The following XPR1 variants were observed in gnomAD, a reference collection of about 807,000 sequenced individuals.
XPR1 encodes xenotropic and polytropic retrovirus receptor 1.
Under a neutral mutation model 87.5 loss-of-function variants are expected in XPR1, and 28 were observed. That is an observed-to-expected ratio of 0.32 (90% CI 0.24 to 0.44). The LOEUF (loss-of-function observed/expected upper bound fraction) is 0.44. Among genes scored for constraint, XPR1 ranks in the 20% least tolerant of loss-of-function variants. The pLI is 1.00. For synonymous variants in XPR1, 300 were observed against 306.1 expected (o/e 0.98, Z 0.21); for missense variants, 559 against 862.3 (o/e 0.65, Z 4.41).
chr1:180,762,783 A>G (rs911468313), intron 2 of XPR1, among the ~76,000 whole-genome samples: 2 of 152,232 alleles, frequency 1.3e-5, no homozygotes, highest in Admixed American at 6.5e-5. Flanking sequence ...TAGTTCCTAT[A>G]GGAATTAAGG....
intron 1 of XPR1, among the ~76,000 whole-genome samples, chr1:180,640,169 A>G (rs533000086): frequency 6.6e-6 from 1 of 152,338 alleles, no homozygotes; most frequent in South Asian, 2.1e-4. Flanking sequence ...AAGGCTCTAT[A>G]CTTAGTAAGT....
chr1:180,782,666 G>A (rs1648988639), intron 2 of XPR1, among the ~76,000 whole-genome samples: 1 of 151,888 alleles, frequency 6.6e-6, no homozygotes, highest in Non-Finnish European at 1.5e-5. Flanking sequence ...AACCTTAGTT[G>A]CCTCTTTAAA....
At chr1:180,866,096 C>T (rs1652380237) in intron 12 of XPR1, among the ~76,000 whole-genome samples, 1 of 152,000 alleles carries the variant, frequency 6.6e-6, no homozygotes, top group Non-Finnish European at 1.5e-5. Context: ...CCTGTAGCCC[C>T]AGCTACTCGG....
chr1:180,817,374 G>T (rs1354842657), intron 7 of XPR1, among the ~76,000 whole-genome samples: 1 of 152,052 alleles, frequency 6.6e-6, no homozygotes, highest in Non-Finnish European at 1.5e-5. Context: ...TAATGTCCTA[G>T]GTCTTCACAT....
At chr1:180,763,272 G>T (rs1446991653) in intron 2 of XPR1, among the ~76,000 whole-genome samples, 1 of 152,202 alleles carries the variant, frequency 6.6e-6, no homozygotes, top group African/African-American at 2.4e-5. Context: ...AGGATGCTGT[G>T]TATGCTGTTG....
chr1:180,729,211 A>G (rs567270640), intron 2 of XPR1, among the ~76,000 whole-genome samples: 27 of 152,174 alleles, frequency 1.8e-4, no homozygotes, highest in African/African-American at 5.3e-4. Context: ...ATGGTGTTAT[A>G]TGTATCACAT....
intron 2 of XPR1, 97 bp downstream of exon 2, chr1:180,682,508 C>T: frequency 1.3e-6 from 1 of 745,032 alleles, no homozygotes; most frequent in Non-Finnish European, 2.0e-6. Flanking sequence ...GATAACCTGT[C>T]CTATTATATA....
rs548839527 is a variant in XPR1 at position 180,786,103 on chromosome 1, A to G, written c.122-1650A>G. ...CATCCTGTTTTACTCTAGAATCAAT[A>G]CAACATCCTGCATTATCTGATCAGG... On this transcript the variant is annotated intron_variant, in intron 2 of 14. Transcript: ENST00000367590. Among the ~76,000 whole-genome samples the G allele has an allele frequency of 8.4e-4, 128 of 152,196 alleles. 2 individuals are homozygous for G. Among genetic ancestry groups the G allele is most frequent in the Non-Finnish European group, 1.5e-3 (105 of 67,968 alleles).
At chr1:180,693,724 C>T (rs1657068991) in intron 2 of XPR1, among the ~76,000 whole-genome samples, 2 of 152,102 alleles carry the variant, frequency 1.3e-5, no homozygotes, top group South Asian at 4.1e-4. Flanking sequence ...CCAATCCGTG[C>T]CTCTTTACCT....
At chr1:180,849,003 A>C (rs1201098746) in intron 11 of XPR1, among the ~76,000 whole-genome samples, 1 of 152,184 alleles carries the variant, frequency 6.6e-6, no homozygotes, top group Non-Finnish European at 1.5e-5. Context: ...TTAAGAAAGA[A>C]TATAAGAATA....
intron 13 of XPR1, among the ~76,000 whole-genome samples, chr1:180,876,681 T>A (rs1652673738): frequency 6.6e-6 from 1 of 150,498 alleles, no homozygotes; most frequent in Admixed American, 6.6e-5. Flanking sequence ...ATTAACAGAA[T>A]AAAGGGGGAA....
chr1:180,861,458 A>G (rs7550861), intron 11 of XPR1, among the ~76,000 whole-genome samples: 3,715 of 152,206 alleles, frequency 0.024, 160 homozygotes, highest in African/African-American at 0.084. Flanking sequence ...ATATCTGCAC[A>G]TAGAATGAAA....
chr1:180,747,510 G>T (rs923487502), intron 2 of XPR1, among the ~76,000 whole-genome samples: 1 of 152,080 alleles, frequency 6.6e-6, no homozygotes, highest in Non-Finnish European at 1.5e-5. Context: ...GAAATTATCC[G>T]TTATTTATTT....
At chr1:180,680,382 T>A (rs949556255) in intron 1 of XPR1, among the ~76,000 whole-genome samples, 1 of 141,244 alleles carries the variant, frequency 7.1e-6, no homozygotes, top group Non-Finnish European at 1.5e-5. Context: ...TTTTTTTTTT[T>A]GTGAGGTGGA....
intron 2 of XPR1, among the ~76,000 whole-genome samples, chr1:180,694,111 G>A (rs984022195): frequency 2.0e-5 from 3 of 152,008 alleles, no homozygotes; most frequent in African/African-American, 7.2e-5. Context: ...GCGCATGCCA[G>A]TGTGCCTGGA....
Position 180,880,083 on chromosome 1 carries a change from G to T in XPR1, c.1816G>T (p.Val606Leu). The change falls in exon 14 of 15, where the codon GTG becomes TTG. Residue 606 changes from valine to leucine, a missense_variant. Transcript: ENST00000367590. ...FAPLEVFRRF[V>L]WNFFRLENEH... ...CTACCCCATTTTGCTAAGGCGATTT[G>T]TGTGGAACTTCTTCCGCCTGGAGAA... 1 of 1,614,172 alleles carries T rather than the reference G, an allele frequency of 6.2e-7. No individual in the cohort carries two copies. Among genetic ancestry groups the T allele is most frequent in the Non-Finnish European group, 8.5e-7 (1 of 1,180,030 alleles).
intron 1 of XPR1, among the ~76,000 whole-genome samples, chr1:180,635,162 C>T (rs1440487264): frequency 6.6e-6 from 1 of 152,014 alleles, no homozygotes; most frequent in Non-Finnish European, 1.5e-5. Flanking sequence ...CATAAAATAA[C>T]AGACCAACAT....
intron 4 of XPR1, 60 bp downstream of exon 4, chr1:180,803,671 T>C (rs1439555733): frequency 7.0e-7 from 1 of 1,428,640 alleles, no homozygotes; most frequent in Non-Finnish European, 9.7e-7. Context: ...TTTCAATAAA[T>C]GGAAGTACCC....
chr1:180,659,381 GTCCT>G (rs1169616821), intron 1 of XPR1, among the ~76,000 whole-genome samples: 7,063 of 55,110 alleles, frequency 0.13, 600 homozygotes, highest in South Asian at 0.15. Flanking sequence ...CCGTCCTTCC[GTCCT>G]TCCTTCCTTC....
Sources: allele counts gnomAD v4.1 joint callset (sites outside exome capture counted in the v4.1 genomes callset), GRCh38; gene constraint gnomAD v4.1.1; transcripts MANE v1.5; gene names NCBI Gene and HGNC (gene_info 2026-07-23, HGNC 2026-07-21).